Variants in CRTC2 observed in about 807,000 individuals in gnomAD.
The protein encoded by CRTC2 is CREB-regulated transcription coactivator 2.
Under a neutral mutation model 70.9 loss-of-function variants are expected in CRTC2, and 25 were observed. That is an observed-to-expected ratio of 0.35 (90% CI 0.26 to 0.49). CRTC2 has a LOEUF of 0.49. CRTC2 is among the 20% of genes least tolerant of loss of function. The probability of loss-of-function intolerance (pLI) is 0.98; values close to 1 mark genes in which losing one functional copy is unlikely to be tolerated. For missense variants in CRTC2, 737 were observed against 882.6 expected, an observed-to-expected ratio of 0.83 and a Z score of 2.09; for synonymous variants, 330 against 364.1, an observed-to-expected ratio of 0.91 and a Z score of 1.07.
At position 153,954,277 on chromosome 1, in the gene CRTC2, G is replaced by A. The variant is rs1263119972; in HGVS notation, c.412C>T (p.Pro138Ser). The change falls in exon 4 of 14, where the codon CCC (proline) becomes TCC (serine). Residue 138 changes from proline (P) to serine (S), a missense_variant. Pro to Ser is a moderately conservative substitution (Grantham distance 74, BLOSUM62 -1). Coordinates refer to ENST00000368633, the MANE Select transcript of CRTC2 (RefSeq NM_181715.3). ...SPYSPAYLSP[P>S]PESSWRRTMA... ...TACCTTCGCCAGCTAGACTCTGGGGGAGGAGATAAGTAGGCAGGACTATAG... is the reference window on the plus strand; with the variant it reads ...TACCTTCGCCAGCTAGACTCTGGGGAAGGAGATAAGTAGGCAGGACTATAG... 3 of 1,612,768 alleles carry A rather than the reference G, an allele frequency of 1.9e-6. No homozygotes were observed. The highest frequency in any genetic ancestry group is 2.7e-5 in the African/African-American group (2 of 75,024).
Position 153,948,050 on chromosome 1 carries a change from G to C in CRTC2, c.*59C>G, listed in dbSNP as rs1415016826. Reference sequence around the variant, plus strand: ...AGAGTCTCTACCTGCCAGGGGGAAGGGAGGAAAGGAATGGTGGTGGGGGAT... The same window carrying C: ...AGAGTCTCTACCTGCCAGGGGGAAGCGAGGAAAGGAATGGTGGTGGGGGAT... On this transcript the variant is annotated 3_prime_UTR_variant, in exon 14 of 14. Transcript: ENST00000368633. The C allele has an allele frequency of 2.6e-6, 4 of 1,509,790 alleles. No individual in the cohort carries two copies. The highest frequency in any genetic ancestry group is 3.7e-6 in the Non-Finnish European group (4 of 1,089,754). The allele number at this position is 1,509,790 out of a possible 1,614,324, so 93.5% of individuals were successfully genotyped here. A position where few individuals can be genotyped will look rare whatever the true frequency, so the allele number is the denominator to read the frequency against.
chr1:153,953,197 T>G (rs1680448819), intron 6 of CRTC2, 69 bp downstream of exon 6: 2 of 822,720 alleles, frequency 2.4e-6, no homozygotes, highest in East Asian at 3.1e-5. Flanking sequence ...AAGAAAGAAA[T>G]AATAAATAAA....
chr1:153,952,551 AC>A lies in CRTC2; in HGVS notation c.702+19del, dbSNP rs1680389009. 6.2e-7 allele frequency: 1 copy of A among 1,613,738 alleles called. No homozygotes were observed. The highest frequency in any genetic ancestry group is 1.1e-5 in the South Asian group (1 of 91,090). Reference sequence around the variant, plus strand: ...GATAGCAGAGAGACTAGTGGGTGACACCCGGTGGCCTCCTCCTACCTTCTTA... The same window carrying A: ...GATAGCAGAGAGACTAGTGGGTGACACCGGTGGCCTCCTCCTACCTTCTTA... On this transcript the variant is annotated intron_variant, in intron 8 of 13. Coordinates refer to ENST00000368633, the MANE Select transcript of CRTC2 (RefSeq NM_181715.3).
At position 153,958,356 on chromosome 1, in the gene CRTC2, C is replaced by A; in HGVS notation, c.142G>T (p.Gly48Cys). Residue 48 changes from glycine to cysteine, a missense_variant, in exon 1 of 14, where the codon GGC becomes TGC. Around this residue, in one of 3 missense-constraint regions of CRTC2, gnomAD observed 699 missense variants for 823.7 expected, o/e 0.85. Coordinates refer to ENST00000368633, the MANE Select transcript of CRTC2 (RefSeq NM_181715.3). ...GCGCGGCCCCTCACCCGGGTGGAGCCGATGTCCATCATCACCTCCTCGAAG... is the reference window on the plus strand; with the variant it reads ...GCGCGGCCCCTCACCCGGGTGGAGCAGATGTCCATCATCACCTCCTCGAAG... ...AAFEEVMMDI[G>C]STRLQAQKLR... 1 of 1,612,426 alleles carries A rather than the reference C, an allele frequency of 6.2e-7. No homozygotes were observed. Among genetic ancestry groups the A allele is most frequent in the Non-Finnish European group, 8.5e-7 (1 of 1,179,458 alleles).
chr1:153,948,362 G>A, intron 13 of CRTC2, 33 bp from the exon 14 acceptor site: 1 of 1,613,488 alleles, frequency 6.2e-7, no homozygotes, highest in Non-Finnish European at 8.5e-7. Context: ...AGGACCCCAT[G>A]TCCTGTAAAC....
At position 153,949,224 on chromosome 1, in the gene CRTC2, C is replaced by T; in HGVS notation, c.1565G>A (p.Gly522Glu). 6.2e-7 allele frequency: 1 copy of T among 1,614,086 alleles called. No individual in the cohort carries two copies. The change falls in exon 12 of 14, where the codon GGG (glycine) becomes GAG (glutamate). Residue 522 changes from glycine (G) to glutamate (E), a missense_variant. Gly to Glu is a moderately conservative substitution (Grantham distance 98, BLOSUM62 -2). Around this residue, in one of 3 missense-constraint regions of CRTC2, gnomAD observed 699 missense variants for 823.7 expected, o/e 0.85. Transcript: ENST00000368633. ...SQSCSVQSSG[G>E]QPPGRQSHYG... Reference sequence around the variant, plus strand: ...ATGAGACTGCCTGCCTGGGGGCTGCCCACCTGAGGACTGCACTGAACAAGA... The same window carrying T: ...ATGAGACTGCCTGCCTGGGGGCTGCTCACCTGAGGACTGCACTGAACAAGA...
Position 153,955,063 on chromosome 1 carries a change from A to T in CRTC2, c.255+2T>A. On this transcript the variant is annotated splice_donor_variant, in intron 2 of 13. Transcript: ENST00000368633. LOFTEE classifies it high-confidence loss of function. ...ACTCCTCCCTGGCTGGGGTCTACTCACCTGGAACTCGGCCAGGCCAGAGCC... is the reference window on the plus strand; with the variant it reads ...ACTCCTCCCTGGCTGGGGTCTACTCTCCTGGAACTCGGCCAGGCCAGAGCC... 3 of 1,614,040 alleles carry T rather than the reference A, an allele frequency of 1.9e-6. No homozygotes were observed. Among genetic ancestry groups the T allele is most frequent in the Non-Finnish European group, 2.5e-6 (3 of 1,179,938 alleles).
At chr1:153,956,300 G>A (rs1373820438) in intron 1 of CRTC2, among the ~76,000 whole-genome samples, 7 of 152,372 alleles carry the variant, frequency 4.6e-5, no homozygotes, top group Admixed American at 2.0e-4. Context: ...ATGGGCCAGG[G>A]CCATCTTCCT....
At position 153,952,111 on chromosome 1, in the gene CRTC2, T is replaced by G; in HGVS notation, c.904A>C (p.Ser302Arg). The G allele has an allele frequency of 6.2e-7, 1 of 1,613,806 alleles. No homozygotes were observed. Among genetic ancestry groups the G allele is most frequent in the Non-Finnish European group, 8.5e-7 (1 of 1,179,938 alleles). The change falls in exon 10 of 14, where the codon AGT becomes CGT. Residue 302 changes from serine (S) to arginine (R), a missense_variant. By Grantham distance (110) the Ser-to-Arg change is moderately radical. Coordinates refer to ENST00000368633, the MANE Select transcript of CRTC2 (RefSeq NM_181715.3). ...AAATTGGAGGTACTGTTGCCCCCAC[T>G]CAGGCTAGGGTAGGCTGTCTCTTCA... ...DPEETAYPSL[S>R]GGNSTSNLTH...
Position 153,952,812 on chromosome 1 carries a change from G to T in CRTC2, c.630C>A (p.Asp210Glu), listed in dbSNP as rs1461841867. The T allele has an allele frequency of 6.2e-6, 10 of 1,614,194 alleles. No homozygotes were observed. The Admixed American group carries it at 1.5e-4, about 24-fold the overall frequency. ...GCAGTGAGGAACACATACCTTTGGG[G>T]TCCATTTCACCATCCAGAATACCTG... ...RRGGILDGEMDPKVPAIEENL... is the reference protein window; with the variant it reads ...RRGGILDGEMEPKVPAIEENL... The change falls in exon 7 of 14, where the codon GAC (aspartate) becomes GAA (glutamate). Residue 210 changes from aspartate to glutamate, a missense_variant. By Grantham distance (45) the Asp-to-Glu change is conservative. This residue lies in a region of CRTC2 where 699 missense variants were observed against 823.7 expected (regional missense o/e 0.85). Coordinates refer to ENST00000368633, the MANE Select transcript of CRTC2 (RefSeq NM_181715.3).
Position 153,952,585 on chromosome 1 carries a change from A to C in CRTC2, c.688T>G (p.Trp230Gly). The change falls in exon 8 of 14, where the codon TGG becomes GGG. Residue 230 changes from tryptophan to glycine, a missense_variant. Physicochemically the swap from Trp to Gly is radical, Grantham distance 184 (BLOSUM62 -2). This residue lies in a region of CRTC2 where 699 missense variants were observed against 823.7 expected (regional missense o/e 0.85). Coordinates refer to ENST00000368633, the MANE Select transcript of CRTC2 (RefSeq NM_181715.3). Reference sequence around the variant, plus strand: ...CCTCCTCCTACCTTCTTAGCATCCCATGGCTTCAGCAAATGCTTGTCATCT... The same window carrying C: ...CCTCCTCCTACCTTCTTAGCATCCCCTGGCTTCAGCAAATGCTTGTCATCT... The part of the protein sequence containing the change: ...LLDDKHLLKP[W>G]DAKKLSSSSS... 3.1e-6 allele frequency: 5 copies of C among 1,614,226 alleles called. No individual in the cohort carries two copies. The highest frequency in any genetic ancestry group is 4.2e-6 in the Non-Finnish European group (5 of 1,180,040).
At chr1:153,956,595 G>A (rs1351129999) in intron 1 of CRTC2, among the ~76,000 whole-genome samples, 1 of 152,114 alleles carries the variant, frequency 6.6e-6, no homozygotes, top group African/African-American at 2.4e-5. Flanking sequence ...GCACTGTGCT[G>A]ACCTCTGGAC....
chr1:153,954,428 C>T (rs1206265464), intron 3 of CRTC2, 112 bp from the exon 4 acceptor site: 1 of 758,748 alleles, frequency 1.3e-6, no homozygotes, highest in African/African-American at 1.7e-5. Context: ...ATACCTTTCT[C>T]CTCTTCTATA....
At position 153,949,315 on chromosome 1, in the gene CRTC2, T is replaced by C; in HGVS notation, c.1474A>G (p.Ser492Gly). 6.2e-7 allele frequency: 1 copy of C among 1,613,936 alleles called. No homozygotes were observed. Among genetic ancestry groups the C allele is most frequent in the Non-Finnish European group, 8.5e-7 (1 of 1,179,972 alleles). Residue 492 changes from serine to glycine, a missense_variant, in exon 12 of 14, where the codon AGT (serine) becomes GGT (glycine). By Grantham distance (56) the Ser-to-Gly change is moderately conservative. Coordinates refer to ENST00000368633, the MANE Select transcript of CRTC2 (RefSeq NM_181715.3). ...RLPPYPYSSP[S>G]LVLPTQPHTP... ...TGGGGCTGGGTAGGCAGAACCAGAC[T>C]TGGGGAGCTGTATGGGTATGGGGGT... is the stretch of plus-strand genomic sequence containing the variant.
chr1:153,953,510 C>T (rs1432192371), intron 5 of CRTC2, 28 bp downstream of exon 5: 1 of 1,599,240 alleles, frequency 6.3e-7, no homozygotes. Flanking sequence ...GATAAGAGAT[C>T]TGGCCTAAAG....
chr1:153,954,973 G>C lies in CRTC2; in HGVS notation c.272C>G (p.Pro91Arg), dbSNP rs770823867. The change falls in exon 3 of 14, where the codon CCT (proline) becomes CGT (arginine). Residue 91 changes from proline (P) to arginine (R), a missense_variant. This residue lies in a region of CRTC2 where 699 missense variants were observed against 823.7 expected (regional missense o/e 0.85). Transcript: ENST00000368633. ...CCGAGTGCTCCGAGATGAATCCAAA[G>C]GTGAGTGGAGGGGGCTCTGCCAAAA... is the stretch of plus-strand genomic sequence containing the variant. ...LAEFQSPLHSPLDSSRSTRHH... is the reference protein window; with the variant it reads ...LAEFQSPLHSRLDSSRSTRHH... 6.2e-7 allele frequency: 1 copy of C among 1,613,972 alleles called. No individual in the cohort carries two copies. The highest frequency in any genetic ancestry group is 1.1e-5 in the South Asian group (1 of 91,074).
chr1:153,956,821 A>G (rs1046055144), intron 1 of CRTC2, among the ~76,000 whole-genome samples: 1 of 152,174 alleles, frequency 6.6e-6, no homozygotes, highest in Non-Finnish European at 1.5e-5. Context: ...CAATAGGAGC[A>G]AGGTGGGTAG....
Position 153,947,858 on chromosome 1 carries a change from A to G in CRTC2, c.*251T>C. 1 of 541,300 alleles carries G rather than the reference A, an allele frequency of 1.8e-6. No homozygotes were observed. 33.5% of individuals were successfully genotyped at this position (541,300 alleles called of 1,614,324 possible). A position where few individuals can be genotyped will look rare whatever the true frequency, so the allele number is the denominator to read the frequency against. ...TACCCCTGCTTTCCAACAGGCTCTG[A>G]CCTCCAGACAGACGGTTCAAAGTTA... is the stretch of plus-strand genomic sequence containing the variant. On this transcript the variant is annotated 3_prime_UTR_variant, in exon 14 of 14. Transcript: ENST00000368633.
At position 153,951,678 on chromosome 1, in the gene CRTC2, G is replaced by A. The variant is rs766833422; in HGVS notation, c.998-12C>T. The A allele has an allele frequency of 2.5e-6, 4 of 1,611,006 alleles. No individual in the cohort carries two copies. The highest frequency in any genetic ancestry group is 2.7e-5 in the African/African-American group (2 of 74,824). ...AGGTGAATGAAGTCCTGCAGGCACA[G>A]ACAAAAAACCAGAGATGCCAACATT... On this transcript the variant is annotated splice_polypyrimidine_tract_variant and intron_variant, in intron 10 of 13. Coordinates refer to ENST00000368633, the MANE Select transcript of CRTC2 (RefSeq NM_181715.3).
Sources: gnomAD v4.1 joint callset for allele counts (sites outside exome capture counted in the v4.1 genomes callset) on GRCh38, gnomAD v4.1.1 for gene constraint, gnomAD v4.1.1 regional missense constraint, MANE v1.5 for transcripts, NCBI Gene and HGNC (gene_info 2026-07-23, HGNC 2026-07-21) for gene names.